ZC3H12C: variants seen among roughly 807,000 people sequenced by gnomAD.
The protein encoded by ZC3H12C is probable ribonuclease ZC3H12C.
Under a neutral mutation model 76.3 loss-of-function variants are expected in ZC3H12C, and 20 were observed. The observed-to-expected ratio is 0.26, with a 90% CI of 0.18 to 0.38. ZC3H12C has a LOEUF of 0.38. Ranked by LOEUF, ZC3H12C falls within the 10% of genes least tolerant of loss-of-function variation. ZC3H12C has a pLI of 1.00. For missense variants in ZC3H12C, 874 were observed against 1,086.5 expected (o/e 0.80, Z 2.75); for synonymous variants, 352 against 399.6 (o/e 0.88, Z 1.42).
chr11:110,126,726 TG>T (rs1465935859), intron 1 of ZC3H12C, among the ~76,000 whole-genome samples: 14 of 152,316 alleles, frequency 9.2e-5, no homozygotes, highest in Non-Finnish European at 1.6e-4. Context: ...TCATTTGCAC[TG>T]CATGTTCCAA....
chr11:110,123,161 A>G (rs1402098922), intron 1 of ZC3H12C, among the ~76,000 whole-genome samples: 3 of 152,144 alleles, frequency 2.0e-5, no homozygotes, highest in Non-Finnish European at 2.9e-5. Flanking sequence ...GATAAGGGGG[A>G]CTACCGAATG....
Position 110,164,964 on chromosome 11 carries a change from A to T in ZC3H12C, c.1879A>T (p.Ser627Cys). The stretch of plus-strand genomic sequence containing the variant: ...AATAAGTTCCGTAGCTTCTGACTGC[A>T]GCAGTGAAGGGAGCATGAGCTGTGG... Reference protein sequence around the residue: ...YRISSVASDCSSEGSMSCGSS... With the variant: ...YRISSVASDCCSEGSMSCGSS... Residue 627 changes from serine (S) to cysteine (C), a missense_variant, in exon 6 of 6, where the codon AGC (serine) becomes TGC (cysteine). Physicochemically the swap from Ser to Cys is moderately radical, Grantham distance 112. Transcript: ENST00000278590. The surrounding 1 kb of genome is among the most constrained non-coding windows in gnomAD (Gnocchi z 5.7). The T allele has an allele frequency of 6.2e-7, 1 of 1,614,064 alleles. No homozygotes were observed. Among genetic ancestry groups the T allele is most frequent in the South Asian group, 1.1e-5 (1 of 91,090 alleles).
At chr11:110,134,201 T>C (rs115313130) in intron 1 of ZC3H12C, among the ~76,000 whole-genome samples, 2,612 of 152,156 alleles carry the variant, frequency 0.017, 70 homozygotes, top group African/African-American at 0.058. Flanking sequence ...GTGGGGTTTA[T>C]AGAACAATGA....
chr11:110,154,141 G>A (rs1398518821), intron 3 of ZC3H12C, among the ~76,000 whole-genome samples: 1 of 152,220 alleles, frequency 6.6e-6, no homozygotes, highest in African/African-American at 2.4e-5. Context: ...GGAGGCCGAG[G>A]CGGGAAGATC....
chr11:110,140,944 AGAGACC>A (rs1260880125), intron 2 of ZC3H12C, among the ~76,000 whole-genome samples: 1 of 152,220 alleles, frequency 6.6e-6, no homozygotes, highest in Non-Finnish European at 1.5e-5. Context: ...TTGGAGACAA[AGAGACC>A]CACTTATGTT....
Position 110,165,670 on chromosome 11 carries a change from C to T in ZC3H12C, c.2585C>T (p.Pro862Leu). ...GTGAGAATTGTCATGAAAAGGAATCCTCACATGACAGACGCCCAGCAGCTC... is the reference window on the plus strand; with the variant it reads ...GTGAGAATTGTCATGAAAAGGAATCTTCACATGACAGACGCCCAGCAGCTC... ...DLVRIVMKRN[P>L]HMTDAQQLAA... The change falls in exon 6 of 6, where the codon CCT becomes CTT. Residue 862 changes from proline to leucine, a missense_variant. Pro to Leu is a moderately conservative substitution (Grantham distance 98, BLOSUM62 -3). Around this residue, in one of 3 missense-constraint regions of ZC3H12C, gnomAD observed 395 missense variants for 434.4 expected, o/e 0.91. Coordinates refer to ENST00000278590, the MANE Select transcript of ZC3H12C (RefSeq NM_033390.2). The T allele has an allele frequency of 6.3e-7, 1 of 1,598,296 alleles. No homozygotes were observed. The highest frequency in any genetic ancestry group is 8.5e-7 in the Non-Finnish European group (1 of 1,171,940).
At position 110,153,041 on chromosome 11, in the gene ZC3H12C, C is replaced by T; in HGVS notation, c.896C>T (p.Pro299Leu). 1.2e-6 allele frequency: 2 copies of T among 1,611,720 alleles called. No individual in the cohort carries two copies. The highest frequency in any genetic ancestry group is 1.7e-6 in the Non-Finnish European group (2 of 1,178,900). Residue 299 changes from proline to leucine, a missense_variant, in exon 3 of 6, where the codon CCT (proline) becomes CTT (leucine). This residue lies in a region of ZC3H12C where 269 missense variants were observed against 424.9 expected (regional missense o/e 0.63). Transcript: ENST00000278590. ...GCTTGGAGGAAAGAGCAATCCCGAC[C>T]TGATGCTCTCATTACAGGTAGGCTT... ...VPAWRKEQSRPDALITDQEIL... is the reference protein window; with the variant it reads ...VPAWRKEQSRLDALITDQEIL...
intron 2 of ZC3H12C, among the ~76,000 whole-genome samples, chr11:110,144,913 C>A (rs1230757663): frequency 6.6e-6 from 1 of 152,062 alleles, no homozygotes; most frequent in South Asian, 2.1e-4. Flanking sequence ...CTAAAATAAC[C>A]CTTCCTGTTC....
At position 110,170,581 on chromosome 11, in the gene ZC3H12C, C is replaced by G. The variant is rs1040719741; in HGVS notation, c.*4844C>G. On this transcript the variant is annotated 3_prime_UTR_variant, in exon 6 of 6. Coordinates refer to ENST00000278590, the MANE Select transcript of ZC3H12C (RefSeq NM_033390.2). ...ACTCTTTATGAGAAATAAAATGTAT[C>G]TCTGCTTTGTCTGTCCAGATCTTTA... 2 of 152,114 alleles carry G rather than the reference C, an allele frequency of 1.3e-5. No individual in the cohort carries two copies. Among genetic ancestry groups the G allele is most frequent in the Non-Finnish European group, 2.9e-5 (2 of 68,010 alleles). The allele number at this position is 152,114 out of a possible 1,614,324, so 9.4% of individuals were successfully genotyped here.
At chr11:110,107,011 C>T (rs372473053) in intron 1 of ZC3H12C, among the ~76,000 whole-genome samples, 80 of 152,348 alleles carry the variant, frequency 5.3e-4, no homozygotes, top group African/African-American at 1.7e-3. Context: ...TTTTCTAACA[C>T]AGGTATCTCC....
At chr11:110,094,158 G>A (rs1861069443) in intron 1 of ZC3H12C, among the ~76,000 whole-genome samples, 1 of 152,194 alleles carries the variant, frequency 6.6e-6, no homozygotes, top group Admixed American at 6.5e-5. Flanking sequence ...TAACATCCAA[G>A]TACTGATTAC....
intron 5 of ZC3H12C, among the ~76,000 whole-genome samples, 176 bp downstream of exon 5, chr11:110,163,555 G>C (rs1862519792): frequency 1.3e-5 from 2 of 152,128 alleles, no homozygotes; most frequent in African/African-American, 2.4e-5. Flanking sequence ...TACCTGTTTG[G>C]ATTCAAGACA....
intron 1 of ZC3H12C, among the ~76,000 whole-genome samples, chr11:110,109,826 G>T (rs1326628482): frequency 6.6e-6 from 1 of 151,986 alleles, no homozygotes; most frequent in Non-Finnish European, 1.5e-5. Context: ...CAGTTATTTG[G>T]AAGAGCATTT....
intron 1 of ZC3H12C, among the ~76,000 whole-genome samples, chr11:110,128,312 A>G (rs754140831): frequency 6.6e-5 from 10 of 152,202 alleles, no homozygotes; most frequent in Non-Finnish European, 1.3e-4. Flanking sequence ...ACATTATCCA[A>G]TACTAGCAAC....
At chr11:110,120,102 C>T (rs1190561116) in intron 1 of ZC3H12C, among the ~76,000 whole-genome samples, 1 of 152,154 alleles carries the variant, frequency 6.6e-6, no homozygotes, top group Non-Finnish European at 1.5e-5. Context: ...AAACACACTG[C>T]ACTGAAACCT....
chr11:110,165,167 A>C lies in ZC3H12C; in HGVS notation c.2082A>C (p.Glu694Asp), dbSNP rs780963317. 2 of 1,613,852 alleles carry C rather than the reference A, an allele frequency of 1.2e-6. No homozygotes were observed. The highest frequency in any genetic ancestry group is 2.2e-5 in the South Asian group (2 of 91,074). ...GAGGGCAAAGTTACAGTCACGAAGA[A>C]CCAAAGTTCCATCACAAGCCTCCTC... is the stretch of plus-strand genomic sequence containing the variant. Reference protein sequence around the residue: ...LTRGQSYSHEEPKFHHKPPLP... With the variant: ...LTRGQSYSHEDPKFHHKPPLP... Residue 694 changes from glutamate (E) to aspartate (D), a missense_variant, in exon 6 of 6, where the codon GAA (glutamate) becomes GAC (aspartate). Physicochemically the swap from Glu to Asp is conservative, Grantham distance 45. Around this residue, in one of 3 missense-constraint regions of ZC3H12C, gnomAD observed 395 missense variants for 434.4 expected, o/e 0.91. Transcript: ENST00000278590.
intron 4 of ZC3H12C, among the ~76,000 whole-genome samples, chr11:110,163,005 A>C (rs1379603105): frequency 1.3e-5 from 2 of 152,218 alleles, no homozygotes; most frequent in African/African-American, 2.4e-5. Context: ...CAAGACTGAG[A>C]GGAAGGAAGA....
At chr11:110,097,809 G>C (rs1170450129) in intron 1 of ZC3H12C, among the ~76,000 whole-genome samples, 2 of 152,126 alleles carry the variant, frequency 1.3e-5, no homozygotes, top group East Asian at 3.8e-4. Context: ...GATTATAATA[G>C]AGCTGAAAAG....
chr11:110,147,243 T>C (rs774990086), intron 2 of ZC3H12C, among the ~76,000 whole-genome samples: 10 of 152,164 alleles, frequency 6.6e-5, no homozygotes, highest in Non-Finnish European at 1.3e-4. Context: ...CTCTTTAAGA[T>C]GGGTACCATC....
Sources: allele counts gnomAD v4.1 joint callset (sites outside exome capture counted in the v4.1 genomes callset), GRCh38; gene constraint gnomAD v4.1.1; regional missense constraint gnomAD v4.1.1; non-coding constraint Gnocchi (gnomAD v3.1); transcripts MANE v1.5; gene names NCBI Gene and HGNC (gene_info 2026-07-23, HGNC 2026-07-21).